PHC2: variants seen among roughly 807,000 people sequenced by gnomAD.
PHC2 encodes polyhomeotic homolog 2.
A neutral mutation model predicts 87.4 loss-of-function variants in PHC2; 29 were observed. That is an observed-to-expected ratio of 0.33 (90% CI 0.25 to 0.45). The LOEUF is 0.45. Among genes scored for constraint, PHC2 ranks in the 20% least tolerant of loss-of-function variants. The probability of loss-of-function intolerance (pLI) is 1.00; values close to 1 mark genes in which losing one functional copy is unlikely to be tolerated. For missense variants in PHC2, 857 were observed against 1,136.7 expected (o/e 0.75, Z 3.54); for synonymous variants, 438 against 461.7 (o/e 0.95, Z 0.66).
In PHC2 at chr1:33,369,383, T is replaced by C. The variant is rs1258153799; in HGVS notation, c.577-761A>G. ...TCCTCTGTGGGTGTATGCCCTGCTC[T>C]GGGGAGGGAGGCAGACAGGCAGGCA... On this transcript the variant is annotated intron_variant, in intron 5 of 14. Transcript: ENST00000683057. The surrounding 1 kb of genome is among the most constrained non-coding windows in gnomAD (Gnocchi z 4.7). 6.6e-6 allele frequency among the ~76,000 whole-genome samples: 1 copy of C among 152,156 alleles called. No homozygotes were observed. Among genetic ancestry groups the C allele is most frequent in the Non-Finnish European group, 1.5e-5 (1 of 68,014 alleles).
chr1:33,424,981 T>C (rs1650609195), intron 1 of PHC2, among the ~76,000 whole-genome samples: 1 of 146,070 alleles, frequency 6.8e-6, no homozygotes, highest in African/African-American at 2.4e-5. Context: ...TTTCATTAAT[T>C]CATTCACTAA....
chr1:33,352,509 C>G (rs560802296), intron 9 of PHC2, among the ~76,000 whole-genome samples: 202 of 152,268 alleles, frequency 1.3e-3, no homozygotes, highest in Non-Finnish European at 2.2e-3. Context: ...TAAATATTAA[C>G]TATTAATCAT....
rs1468794896 is a variant in PHC2 at position 33,331,449 on chromosome 1, C to A, written c.1905G>T (p.Glu635Asp). Reference protein sequence around the residue: ...EEPYLQESKEEGAPLKLKCEL... With the variant: ...EEPYLQESKEDGAPLKLKCEL... ...CACACTTGAGTTTGAGGGGAGCACC[C>A]TCCTCTTTGGATTCTGAAAAGTATA... is the stretch of plus-strand genomic sequence containing the variant. Residue 635 changes from glutamate to aspartate, a missense_variant, in exon 12 of 15, where the codon GAG (glutamate) becomes GAT (aspartate). Physicochemically the swap from Glu to Asp is conservative, Grantham distance 45 (BLOSUM62 2). Coordinates refer to ENST00000683057, the MANE Select transcript of PHC2 (RefSeq NM_001385109.1). This position sits in a 1 kb window ranked among gnomAD's most constrained non-coding sequence, Gnocchi z 5.2. 2.5e-6 allele frequency: 4 copies of A among 1,602,376 alleles called. No individual in the cohort carries two copies. The South Asian group carries it at 3.3e-5, about 13-fold the overall frequency.
chr1:33,422,156 G>C (rs1650459362), intron 1 of PHC2, among the ~76,000 whole-genome samples: 1 of 152,160 alleles, frequency 6.6e-6, no homozygotes, highest in Admixed American at 6.6e-5. Flanking sequence ...TGGCTGAGAA[G>C]CTTCCTCTTA....
chr1:33,346,661 T>G (rs1236231029), intron 9 of PHC2: 8 of 985,118 alleles, frequency 8.1e-6, no homozygotes, highest in Middle Eastern at 5.2e-4. Flanking sequence ...TTTTTAAACT[T>G]TAACTTTATT....
In PHC2 at chr1:33,349,487, G is replaced by A; in HGVS notation, c.1558+4914C>T. 1 of 985,202 alleles carries A rather than the reference G, an allele frequency of 1.0e-6. No homozygotes were observed. Among genetic ancestry groups the A allele is most frequent in the African/African-American group, 1.7e-5 (1 of 57,316 alleles). 61.0% of individuals were successfully genotyped at this position (985,202 alleles called of 1,614,324 possible). A position where few individuals can be genotyped will look rare whatever the true frequency, so the allele number is the denominator to read the frequency against. ...GCGACTGGCACGGCCTGGCAGCCGC[G>A]TAGGCCCGGGCCGTTAGGGGCACCG... On this transcript the variant is annotated intron_variant, in intron 9 of 14. Coordinates refer to ENST00000683057, the MANE Select transcript of PHC2 (RefSeq NM_001385109.1). The surrounding 1 kb of genome is among the most constrained non-coding windows in gnomAD (Gnocchi z 4.2).
chr1:33,400,055 T>A (rs930551594), intron 1 of PHC2, among the ~76,000 whole-genome samples: 19 of 151,940 alleles, frequency 1.3e-4, no homozygotes, highest in African/African-American at 4.6e-4. Flanking sequence ...GATAAACCTA[T>A]AAAAGGATGT....
At position 33,332,487 on chromosome 1, in the gene PHC2, T is replaced by TA. The variant is rs753153177; in HGVS notation, c.1762-84dup. 1.2e-5 allele frequency: 18 copies of TA among 1,519,462 alleles called. No individual in the cohort carries two copies. Among genetic ancestry groups the TA allele is most frequent in the Admixed American group, 1.7e-5 (1 of 59,184 alleles). The allele number at this position is 1,519,462 out of a possible 1,614,324, so 94.1% of individuals were successfully genotyped here. On this transcript the variant is annotated intron_variant, in intron 10 of 14. Transcript: ENST00000683057. The surrounding 1 kb of genome is among the most constrained non-coding windows in gnomAD (Gnocchi z 4.2). ...TCCATCCTCATCACAATTACACGTA[T>TA]AAAGTATCCAGGCACAGAGGCCAGC...
intron 1 of PHC2, among the ~76,000 whole-genome samples, chr1:33,386,495 G>A (rs996879994): frequency 2.0e-5 from 3 of 151,782 alleles, no homozygotes; most frequent in Admixed American, 1.3e-4. Flanking sequence ...CTCCAGCCTC[G>A]GTGACAGAGT....
rs75428806 is a variant in PHC2, at chr1:33,422,287, C to T, written c.-55+8689G>A. On this transcript the variant is annotated intron_variant, in intron 1 of 14. Coordinates refer to ENST00000683057, the MANE Select transcript of PHC2 (RefSeq NM_001385109.1). ...CATGTCTTTCTTTCTTTAGAAACCT[C>T]TGTAGTACCTGGCCTGGGTTCTCCT... Among the ~76,000 whole-genome samples the T allele has an allele frequency of 7.0e-3, 1,059 of 152,286 alleles. 6 individuals are homozygous for T. Among genetic ancestry groups the T allele is most frequent in the Non-Finnish European group, 0.011 (740 of 68,026 alleles).
chr1:33,372,825 T>G (rs578137792), intron 2 of PHC2, among the ~76,000 whole-genome samples: 1 of 152,322 alleles, frequency 6.6e-6, no homozygotes, highest in South Asian at 2.1e-4. Flanking sequence ...CCTCTCCCTC[T>G]GTCACTCTGC....
intron 9 of PHC2, chr1:33,350,470 A>G (rs1646949697): frequency 6.6e-6 from 1 of 152,198 alleles, no homozygotes; most frequent in African/African-American, 2.4e-5. Context: ...TATCTTCCCC[A>G]AGCGCACCGG....
intron 7 of PHC2, among the ~76,000 whole-genome samples, chr1:33,357,942 T>C (rs1264727402): frequency 6.6e-6 from 1 of 152,152 alleles, no homozygotes; most frequent in Admixed American, 6.5e-5. Flanking sequence ...TGGTTCCAGG[T>C]CAGGGAGGCT....
Position 33,349,677 on chromosome 1 carries a change from G to T in PHC2, c.1558+4724C>A. On this transcript the variant is annotated intron_variant, in intron 9 of 14. Transcript: ENST00000683057. The surrounding 1 kb of genome is among the most constrained non-coding windows in gnomAD (Gnocchi z 4.2). ...GGCGCCGACTCGCGCGGGGTCCCGG[G>T]CCCGGGCGGGCCGCCTCCTCTCCGC... 1.0e-6 allele frequency: 1 copy of T among 984,022 alleles called. No homozygotes were observed. Among genetic ancestry groups the T allele is most frequent in the Non-Finnish European group, 1.2e-6 (1 of 830,438 alleles). 61.0% of individuals were successfully genotyped at this position (984,022 alleles called of 1,614,324 possible). A position where few individuals can be genotyped will look rare whatever the true frequency, so the allele number is the denominator to read the frequency against.
chr1:33,402,487 T>C (rs1649578365), intron 1 of PHC2, among the ~76,000 whole-genome samples: 1 of 152,212 alleles, frequency 6.6e-6, no homozygotes, highest in Non-Finnish European at 1.5e-5. Flanking sequence ...GGTGACATGA[T>C]AATGATGTTC....
At chr1:33,380,948 T>C (rs1415966435) in intron 1 of PHC2, among the ~76,000 whole-genome samples, 1 of 152,226 alleles carries the variant, frequency 6.6e-6, no homozygotes, top group Non-Finnish European at 1.5e-5. Flanking sequence ...GCCTTGCTAC[T>C]TCCTACCTCT....
At chr1:33,388,138 C>T (rs1184473275) in intron 1 of PHC2, among the ~76,000 whole-genome samples, 1 of 152,108 alleles carries the variant, frequency 6.6e-6, no homozygotes, top group East Asian at 1.9e-4. Context: ...CCTGAATGCC[C>T]ACCACATGCT....
rs1055690385 is a variant in PHC2 at position 33,389,415 on chromosome 1, A to G, written c.-54-13822T>C. On this transcript the variant is annotated intron_variant, in intron 1 of 14. Transcript: ENST00000683057. ...AAACAGGAGTATAACTTGAACTTCC[A>G]GCTTCCTTTCTCTACTCCTTTCCTC... 6.6e-5 allele frequency among the ~76,000 whole-genome samples: 10 copies of G among 152,336 alleles called. 1 individual carries two copies. The highest frequency in any genetic ancestry group is 2.2e-4 in the African/African-American group (9 of 41,576).
intron 1 of PHC2, among the ~76,000 whole-genome samples, chr1:33,391,122 G>T (rs1649034561): frequency 6.6e-6 from 1 of 152,150 alleles, no homozygotes; most frequent in Non-Finnish European, 1.5e-5. Flanking sequence ...TCTCAGACTT[G>T]AGCACACAAC....
Sources: gnomAD v4.1 joint callset for allele counts (sites outside exome capture counted in the v4.1 genomes callset) on GRCh38, gnomAD v4.1.1 for gene constraint, Gnocchi (gnomAD v3.1) non-coding constraint, MANE v1.5 for transcripts, NCBI Gene and HGNC (gene_info 2026-07-23, HGNC 2026-07-21) for gene names.